The following MARCHF3 variants were observed in gnomAD, a reference collection of about 807,000 sequenced individuals.
The protein encoded by MARCHF3 is E3 ubiquitin-protein ligase MARCHF3.
A neutral mutation model predicts 24.2 loss-of-function variants in MARCHF3; 13 were observed. The ratio of observed to expected loss-of-function variants is 0.54; its 90% confidence interval spans 0.35 to 0.85. The LOEUF (loss-of-function observed/expected upper bound fraction) is 0.85, where lower values mean the gene tolerates loss of function less well. Ranked by LOEUF, MARCHF3 falls within the 40% of genes least tolerant of loss-of-function variation. The pLI is 0.01. For missense variants in MARCHF3, 276 were observed against 325.0 expected, an observed-to-expected ratio of 0.85 and a Z score of 1.16; for synonymous variants, 144 against 137.3, an observed-to-expected ratio of 1.05 and a Z score of -0.34.
At chr5:126,990,915 T>C (rs151254750) in intron 1 of MARCHF3, among the ~76,000 whole-genome samples, 6,939 of 152,228 alleles carry the variant, frequency 0.046, 294 homozygotes, top group South Asian at 0.14. Flanking sequence ...CTGGAGAGGA[T>C]GTGGAGAAAT....
At chr5:126,915,849 T>C (rs1199863940) in intron 2 of MARCHF3, among the ~76,000 whole-genome samples, 2 of 152,234 alleles carry the variant, frequency 1.3e-5, no homozygotes, top group Non-Finnish European at 2.9e-5. Flanking sequence ...GGGTTCATAG[T>C]GCAGGCTCCA....
intron 3 of MARCHF3, among the ~76,000 whole-genome samples, chr5:126,890,083 C>A (rs1753631761): frequency 6.6e-6 from 1 of 152,136 alleles, no homozygotes; most frequent in African/African-American, 2.4e-5. Context: ...TTTTGGATAT[C>A]TTTCACTGGG....
At chr5:126,963,969 C>T (rs1488977782) in intron 1 of MARCHF3, among the ~76,000 whole-genome samples, 1 of 152,182 alleles carries the variant, frequency 6.6e-6, no homozygotes, top group Non-Finnish European at 1.5e-5. Flanking sequence ...CATACATTCA[C>T]TAGTTCTGGT....
chr5:126,897,045 A>ATTTTTTTTTTTTTTTTTTTTTTTTTTT (rs759577287), intron 3 of MARCHF3, among the ~76,000 whole-genome samples: 4 of 116,448 alleles, frequency 3.4e-5, no homozygotes, highest in East Asian at 3.0e-4. Flanking sequence ...AAGTTTGAGA[A>ATTTTTTTTTTTTTTTTTTTTTTTTTTT]TTTTTTTTTT....
chr5:126,888,456 A>T (rs1004909313), intron 3 of MARCHF3, among the ~76,000 whole-genome samples: 5 of 152,226 alleles, frequency 3.3e-5, no homozygotes. Context: ...CAGTGGCACA[A>T]CAGGATTAGA....
At chr5:126,972,630 A>G (rs912327062) in intron 1 of MARCHF3, among the ~76,000 whole-genome samples, 5 of 152,148 alleles carry the variant, frequency 3.3e-5, no homozygotes, top group Non-Finnish European at 4.4e-5. Flanking sequence ...CTCCCATCTG[A>G]GACTGCCTTA....
At chr5:127,003,335 T>C (rs557323808) in intron 1 of MARCHF3, among the ~76,000 whole-genome samples, 16 of 149,310 alleles carry the variant, frequency 1.1e-4, no homozygotes, top group Non-Finnish European at 2.1e-4. Context: ...GGCGTGGTGG[T>C]GGGCGCCTGT....
chr5:126,908,122 T>C (rs1188687469), intron 3 of MARCHF3, among the ~76,000 whole-genome samples: 1 of 152,206 alleles, frequency 6.6e-6, no homozygotes, highest in Admixed American at 6.5e-5. Context: ...TGAAAATTCT[T>C]TTCTTTAAGA....
chr5:126,957,055 C>T (rs549912568), intron 1 of MARCHF3, among the ~76,000 whole-genome samples: 11 of 151,496 alleles, frequency 7.3e-5, no homozygotes, highest in South Asian at 2.1e-4. Context: ...CCACTGTGCC[C>T]GGCTAAGAAT....
Position 126,908,077 on chromosome 5 carries a change from T to C in MARCHF3, c.393+6853A>G, listed in dbSNP as rs879077520. Among the ~76,000 whole-genome samples the C allele has an allele frequency of 2.6e-5, 4 of 152,152 alleles. No homozygotes were observed. The East Asian group carries it at 5.8e-4, about 22-fold the overall frequency. On this transcript the variant is annotated intron_variant, in intron 3 of 4. Coordinates refer to ENST00000308660, the MANE Select transcript of MARCHF3 (RefSeq NM_178450.5). ...AAGTATTCTATTTCTCCTTCACTTA[T>C]GAAGGTTAGTTTGGCTGGATATGAA...
chr5:126,979,990 T>C (rs1358446701), intron 1 of MARCHF3, among the ~76,000 whole-genome samples: 1 of 150,072 alleles, frequency 6.7e-6, no homozygotes, highest in African/African-American at 2.5e-5. Context: ...AGTGAAATCC[T>C]GTATACTAAT....
chr5:126,876,528 G>T (rs1032173344), intron 4 of MARCHF3, among the ~76,000 whole-genome samples: 1 of 152,140 alleles, frequency 6.6e-6, no homozygotes, highest in Non-Finnish European at 1.5e-5. Context: ...TGTTGACCAG[G>T]AGTTAGATAG....
In MARCHF3 at chr5:127,004,879, C is replaced by T. The variant is rs372159910; in HGVS notation, c.-57+25471G>A. 7.6e-4 allele frequency among the ~76,000 whole-genome samples: 115 copies of T among 152,142 alleles called. 1 individual carries two copies. The highest frequency in any genetic ancestry group is 1.5e-3 in the African/African-American group (64 of 41,466). On this transcript the variant is annotated intron_variant, in intron 1 of 4. Coordinates refer to ENST00000308660, the MANE Select transcript of MARCHF3 (RefSeq NM_178450.5). ...AGTAACTGAGACCCAATTCACTACA[C>T]GAGTTGCCTTACCATCTCTGTTTTT... is the stretch of plus-strand genomic sequence containing the variant.
chr5:126,984,628 T>C (rs572650068), intron 1 of MARCHF3, among the ~76,000 whole-genome samples: 4 of 152,244 alleles, frequency 2.6e-5, no homozygotes, highest in African/African-American at 7.2e-5. Context: ...AGAAAAACTA[T>C]AGAGTCACCC....
intron 3 of MARCHF3, among the ~76,000 whole-genome samples, chr5:126,901,400 C>G (rs548991684): frequency 5.9e-5 from 9 of 152,174 alleles, no homozygotes; most frequent in African/African-American, 2.2e-4. Context: ...GAATCAAGAT[C>G]TGTGCCTATT....
chr5:126,899,266 C>T (rs978831181), intron 3 of MARCHF3: 41 of 985,060 alleles, frequency 4.2e-5, no homozygotes, highest in East Asian at 1.1e-4. Flanking sequence ...ATCTGCTGCA[C>T]CTGTCAAAAA....
intron 1 of MARCHF3, among the ~76,000 whole-genome samples, chr5:126,943,335 T>G (rs1749895792): frequency 6.6e-6 from 1 of 151,724 alleles, no homozygotes; most frequent in Non-Finnish European, 1.5e-5. Context: ...CCCAGCACCT[T>G]GGGAGGCCAA....
At chr5:126,932,592 T>C (rs532028427) in intron 1 of MARCHF3, among the ~76,000 whole-genome samples, 5 of 152,244 alleles carry the variant, frequency 3.3e-5, no homozygotes, top group African/African-American at 1.2e-4. Context: ...TGAGGACACA[T>C]ACGAAGGCAC....
At chr5:126,927,752 A>G (rs987980990) in intron 1 of MARCHF3, among the ~76,000 whole-genome samples, 2 of 151,934 alleles carry the variant, frequency 1.3e-5, no homozygotes, top group African/African-American at 4.8e-5. Flanking sequence ...TCACTTAGCC[A>G]CTCAGAAGGA....
Sources: gnomAD v4.1 joint callset for allele counts (sites outside exome capture counted in the v4.1 genomes callset) on GRCh38, gnomAD v4.1.1 for gene constraint, MANE v1.5 for transcripts, NCBI Gene and HGNC (gene_info 2026-07-23, HGNC 2026-07-21) for gene names.